ABCC8: variants seen among roughly 807,000 people sequenced by gnomAD.
ABCC8 encodes the protein ATP binding cassette subfamily C member 8, also known as ATP-binding cassette sub-family C member 8.
A neutral mutation model predicts 188.0 loss-of-function variants in ABCC8; 137 were observed. The ratio of observed to expected loss-of-function variants is 0.73; its 90% confidence interval spans 0.63 to 0.84. The LOEUF (loss-of-function observed/expected upper bound fraction) is 0.84, where lower values mean the gene tolerates loss of function less well. Ranked by LOEUF, ABCC8 falls within the 40% of genes least tolerant of loss-of-function variation. The pLI is 0.00. For synonymous variants in ABCC8, 797 were observed against 846.5 expected, an observed-to-expected ratio of 0.94 and a Z score of 1.01; for missense variants, 1,750 against 2,072.7, an observed-to-expected ratio of 0.84 and a Z score of 3.02.
At position 17,476,823 on chromosome 11, in the gene ABCC8, C is replaced by A. The variant is rs1490043158; in HGVS notation, c.-47G>T. On this transcript the variant is annotated 5_prime_UTR_variant, in exon 1 of 39. Transcript: ENST00000389817. Reference sequence around the variant, plus strand: ...GCTCGGGCTCAGCTGGCTCCGCTGGCTCCGCGCGCCTGCCGCGCCTCTGTC... The same window carrying A: ...GCTCGGGCTCAGCTGGCTCCGCTGGATCCGCGCGCCTGCCGCGCCTCTGTC... 7.6e-6 allele frequency: 11 copies of A among 1,451,526 alleles called. No homozygotes were observed. The highest frequency in any genetic ancestry group is 1.0e-5 in the Non-Finnish European group (11 of 1,105,046). 89.9% of individuals were successfully genotyped at this position (1,451,526 alleles called of 1,614,324 possible).
Position 17,407,055 on chromosome 11 carries a change from C to T in ABCC8, c.2995G>A (p.Ala999Thr). The T allele has an allele frequency of 6.2e-7, 1 of 1,614,138 alleles. No individual in the cohort carries two copies. Among genetic ancestry groups the T allele is most frequent in the Non-Finnish European group, 8.5e-7 (1 of 1,180,040 alleles). The change falls in exon 25 of 39, where the codon GCC (alanine) becomes ACC (threonine). Residue 999 changes from alanine to threonine, a missense_variant. Ala to Thr is a moderately conservative substitution (Grantham distance 58). Coordinates refer to ENST00000389817, the MANE Select transcript of ABCC8 (RefSeq NM_000352.6). Reference protein sequence around the residue: ...LHQRAEIPWRACAKYLSSAGI... With the variant: ...LHQRAEIPWRTCAKYLSSAGI... ...GCGGAGGACAGGTACTTGGCGCAGG[C>T]TCGCCATGGGATCTCAGCACGCTGG...
intron 17 of ABCC8, 145 bp downstream of exon 17, chr11:17,416,785 C>T: frequency 1.6e-6 from 2 of 1,271,824 alleles, no homozygotes; most frequent in Non-Finnish European, 2.2e-6. Flanking sequence ...ATTGAGAATG[C>T]AGGCCTTAGC....
intron 38 of ABCC8, among the ~76,000 whole-genome samples, chr11:17,393,479 A>C (rs1264040596): frequency 6.6e-6 from 1 of 152,066 alleles, no homozygotes; most frequent in Non-Finnish European, 1.5e-5. Flanking sequence ...AGGAGAGGGG[A>C]GGTCTGAGGG....
chr11:17,396,678 C>T (rs916129174), intron 33 of ABCC8: 12 of 563,430 alleles, frequency 2.1e-5, no homozygotes, highest in East Asian at 6.3e-5. Flanking sequence ...TCCAGAGTGT[C>T]GGTCTCCTTG....
chr11:17,442,934 C>T lies in ABCC8; in HGVS notation c.1468-52G>A, dbSNP rs546856458. ...AGAGGCTTCTGCTCCGTCTCCCACCCGAGAGGAAGGCCTGAGTGTCAATAC... is the reference window on the plus strand; with the variant it reads ...AGAGGCTTCTGCTCCGTCTCCCACCTGAGAGGAAGGCCTGAGTGTCAATAC... On this transcript the variant is annotated intron_variant, in intron 9 of 38. Coordinates refer to ENST00000389817, the MANE Select transcript of ABCC8 (RefSeq NM_000352.6). 21 of 1,604,724 alleles carry T rather than the reference C, an allele frequency of 1.3e-5. No individual in the cohort carries two copies. The highest frequency in any genetic ancestry group is 4.4e-5 in the South Asian group (4 of 90,924).
chr11:17,476,319 C>A (rs938988896), intron 1 of ABCC8, among the ~76,000 whole-genome samples: 4 of 152,246 alleles, frequency 2.6e-5, no homozygotes, highest in Non-Finnish European at 4.4e-5. Flanking sequence ...TTTCCCACTG[C>A]GTGCTGAGAC....
At chr11:17,410,289 G>T in intron 22 of ABCC8, 1 of 542,038 alleles carries the variant, frequency 1.8e-6, no homozygotes, top group Non-Finnish European at 3.3e-6. Flanking sequence ...ACCATGGGGG[G>T]CCCGGGCCAG....
At chr11:17,443,585 T>C (rs1004808239) in intron 8 of ABCC8, among the ~76,000 whole-genome samples, 14 of 152,176 alleles carry the variant, frequency 9.2e-5, no homozygotes, top group African/African-American at 3.1e-4. Context: ...CTTAACTCTC[T>C]CCAGTCTATT....
At chr11:17,460,412 C>T in intron 6 of ABCC8, 76 bp downstream of exon 6, 1 of 1,607,760 alleles carries the variant, frequency 6.2e-7, no homozygotes, top group Non-Finnish European at 8.5e-7. Flanking sequence ...GGCTCACACA[C>T]ATTGGCCTGT....
intron 10 of ABCC8, among the ~76,000 whole-genome samples, chr11:17,432,934 T>G (rs918172853): frequency 6.6e-6 from 1 of 152,160 alleles, no homozygotes; most frequent in South Asian, 2.1e-4. Flanking sequence ...CTAGGGCATG[T>G]CATTTACCTT....
chr11:17,433,783 C>T (rs1453895795), intron 10 of ABCC8, among the ~76,000 whole-genome samples: 2 of 152,202 alleles, frequency 1.3e-5, no homozygotes, highest in South Asian at 2.1e-4. Flanking sequence ...CTGGAGCCCT[C>T]GTATGGCTGG....
In ABCC8 at chr11:17,415,342, G is replaced by A. The variant is rs756328102; in HGVS notation, c.2256-3C>T. On this transcript the variant is annotated splice_region_variant and splice_polypyrimidine_tract_variant and intron_variant, in intron 17 of 38. Coordinates refer to ENST00000389817, the MANE Select transcript of ABCC8 (RefSeq NM_000352.6). The stretch of plus-strand genomic sequence containing the variant: ...CGGTCGCTGTCTCCCGCTCTGGGCT[G>A]CAGCAGGGGAGGAAAGGCATACTGA... 18 of 1,610,306 alleles carry A rather than the reference G, an allele frequency of 1.1e-5. No homozygotes were observed. The highest frequency in any genetic ancestry group is 1.4e-5 in the Non-Finnish European group (17 of 1,178,894).
chr11:17,449,575 C>T (rs75885996), intron 7 of ABCC8, among the ~76,000 whole-genome samples: 9 of 152,326 alleles, frequency 5.9e-5, no homozygotes, highest in South Asian at 2.1e-4. Context: ...AACCTAAACG[C>T]TTTATGTGCA....
intron 1 of ABCC8, 123 bp from the exon 2 acceptor site, chr11:17,475,150 T>C: frequency 3.5e-6 from 5 of 1,437,326 alleles, no homozygotes; most frequent in Non-Finnish European, 4.7e-6. Context: ...CACATGAGGA[T>C]CCCCAAGGCT....
Position 17,461,667 on chromosome 11 carries a change from G to C in ABCC8, c.738C>G (p.Asp246Glu), listed in dbSNP as rs1957195660. Residue 246 changes from aspartate (D) to glutamate (E), a missense_variant, in exon 5 of 39, where the codon GAC becomes GAG. Transcript: ENST00000389817. The stretch of plus-strand genomic sequence containing the variant: ...TGGGCAGCTTCCCGATGGCTCGCAA[G>C]TCGATGGGCTTCTTGTGGGCAGTCT... ...FIKTAHKKPI[D>E]LRAIGKLPIA... 2.5e-6 allele frequency: 4 copies of C among 1,614,276 alleles called. No homozygotes were observed. The highest frequency in any genetic ancestry group is 3.4e-6 in the Non-Finnish European group (4 of 1,180,052).
intron 31 of ABCC8, 122 bp from the exon 32 acceptor site, chr11:17,397,435 A>G: frequency 6.5e-7 from 1 of 1,548,212 alleles, no homozygotes; most frequent in South Asian, 1.2e-5. Context: ...GCTGCCATCC[A>G]CTGCCTGCTC....
At chr11:17,467,224 T>C (rs1848221895) in intron 3 of ABCC8, among the ~76,000 whole-genome samples, 1 of 152,178 alleles carries the variant, frequency 6.6e-6, no homozygotes, top group Non-Finnish European at 1.5e-5. Flanking sequence ...AAGACCAGCA[T>C]GGTCAACAGG....
chr11:17,426,959 C>T lies in ABCC8; in HGVS notation c.2222+90G>A, dbSNP rs756295324. On this transcript the variant is annotated intron_variant, in intron 16 of 38. Coordinates refer to ENST00000389817, the MANE Select transcript of ABCC8 (RefSeq NM_000352.6). ...GAGTCCTCACTGAACACAGAGTGGG[C>T]CCTCCAATAAATGTGTGTGCATCCT... is the stretch of plus-strand genomic sequence containing the variant. 1.8e-3 allele frequency: 2,610 copies of T among 1,438,460 alleles called. 4 individuals carry two copies. Among genetic ancestry groups the T allele is most frequent in the Non-Finnish European group, 2.4e-3 (2,471 of 1,049,302 alleles). The allele number at this position is 1,438,460 out of a possible 1,614,324, so 89.1% of individuals were successfully genotyped here.
intron 10 of ABCC8, among the ~76,000 whole-genome samples, chr11:17,440,570 T>G (rs1231437596): frequency 6.6e-6 from 1 of 152,178 alleles, no homozygotes; most frequent in Non-Finnish European, 1.5e-5. Context: ...TGGGGTGTCT[T>G]GGTGAAGAAT....
Sources: allele counts gnomAD v4.1 joint callset (sites outside exome capture counted in the v4.1 genomes callset), GRCh38; gene constraint gnomAD v4.1.1; transcripts MANE v1.5; gene names NCBI Gene and HGNC (gene_info 2026-07-23, HGNC 2026-07-21).